Variants in ST6GALNAC6 observed in about 807,000 individuals in gnomAD.
The protein encoded by ST6GALNAC6 is ST6 N-acetylgalactosaminide alpha-2,6-sialyltransferase 6.
ST6GALNAC6 carries 19 observed loss-of-function variants against 34.3 expected under a neutral mutation model. That is an observed-to-expected ratio of 0.55 (90% CI 0.39 to 0.81). The LOEUF (loss-of-function observed/expected upper bound fraction) is 0.81. ST6GALNAC6 is among the 40% of genes least tolerant of loss of function. The pLI is 0.00. For synonymous variants in ST6GALNAC6, 185 were observed against 182.1 expected (o/e 1.02, Z -0.13); for missense variants, 377 against 467.7 (o/e 0.81, Z 1.79).
At chr9:127,906,116 G>T, upstream of ST6GALNAC6, 1 of 779,290 alleles carries the variant, frequency 1.3e-6, no homozygotes, top group South Asian at 5.8e-5. Flanking sequence ...CCAAGTGCCA[G>T]GTCTCAGCCC....
rs200588420 is a variant in ST6GALNAC6 at position 127,890,783 on chromosome 9, C to T, written c.558G>A (p.Pro186=). Residue 186 remains proline, a synonymous_variant, in exon 5 of 7, where the codon CCG becomes CCA. Coordinates refer to ENST00000373146, the MANE Select transcript of ST6GALNAC6 (RefSeq NM_013443.5). The surrounding 1 kb of genome is among the most constrained non-coding windows in gnomAD (Gnocchi z 4.3). ...TGCCCTGGGGCTTCTGCATCTTGCTCGGGGGCCCCCAGAAGATGAACACGG... is the reference window on the plus strand; with the variant it reads ...TGCCCTGGGGCTTCTGCATCTTGCTTGGGGGCCCCCAGAAGATGAACACGG... ...PETVFIFWGP[P]SKMQKPQGSL... is the part of the protein sequence containing the mutation. 1.4e-5 allele frequency: 22 copies of T among 1,612,384 alleles called. No individual in the cohort carries two copies. The East Asian group carries it at 2.7e-4, about 20-fold the overall frequency.
At chr9:127,887,367 A>G in intron 6 of ST6GALNAC6, 117 bp downstream of exon 6, 2 of 738,678 alleles carry the variant, frequency 2.7e-6, no homozygotes, top group Non-Finnish European at 4.6e-6. Flanking sequence ...CAGTTTGAAA[A>G]CAATGAAGCA....
chr9:127,902,023 G>C (rs1315423596), upstream of ST6GALNAC6, among the ~76,000 whole-genome samples: 7 of 152,162 alleles, frequency 4.6e-5, no homozygotes, highest in African/African-American at 9.7e-5. Context: ...TCTTTAAGTG[G>C]GGACTGAGTT....
Position 127,899,582 on chromosome 9 carries a change from C to T in ST6GALNAC6, c.-109G>A, listed in dbSNP as rs1278826851. 3.3e-5 allele frequency: 32 copies of T among 981,372 alleles called. No individual in the cohort carries two copies. The highest frequency in any genetic ancestry group is 3.6e-5 in the Non-Finnish European group (30 of 828,432). The allele number at this position is 981,372 out of a possible 1,614,324, so 60.8% of individuals were successfully genotyped here. ...CGGGAGCCGAGCGCCGGGGTCCGCG[C>T]TCCTCAGGCCGCCCAGGCCTCGCCG... On this transcript the variant is annotated 5_prime_UTR_variant, in exon 1 of 7. Transcript: ENST00000373146.
In ST6GALNAC6 at chr9:127,887,350, T is replaced by C. The variant is rs1044674903; in HGVS notation, c.812+134A>G. The stretch of plus-strand genomic sequence containing the variant: ...AGGAAGGAGAAGAAGCCTAGATCTC[T>C]GAAGAACAGTTTGAAAACAATGAAG... On this transcript the variant is annotated intron_variant, in intron 6 of 6. Transcript: ENST00000373146. 6 of 671,606 alleles carry C rather than the reference T, an allele frequency of 8.9e-6. No individual in the cohort carries two copies. In the African/African-American group the frequency reaches 1.1e-4, roughly 12 times the overall value. 41.6% of individuals were successfully genotyped at this position (671,606 alleles called of 1,614,324 possible). A position where few individuals can be genotyped will look rare whatever the true frequency, so the allele number is the denominator to read the frequency against.
rs755620047 is a variant in ST6GALNAC6, at chr9:127,894,614, A to T, written c.195T>A (p.Asn65Lys). The change falls in exon 4 of 7, where the codon AAT (asparagine) becomes AAA (lysine). Residue 65 changes from asparagine (N) to lysine (K), a missense_variant. Transcript: ENST00000373146. ...ILILYSSNSA[N>K]EVFHYGSLRG... ...GCAGGGAGCCGTAATGGAAGACCTC[A>T]TTGGCACTGTTGGAGCTGTAGAGGA... 5.6e-6 allele frequency: 9 copies of T among 1,614,198 alleles called. No homozygotes were observed. Among genetic ancestry groups the T allele is most frequent in the Non-Finnish European group, 7.6e-6 (9 of 1,180,028 alleles).
chr9:127,902,385 T>A (rs902687996), upstream of ST6GALNAC6, among the ~76,000 whole-genome samples: 1 of 152,024 alleles, frequency 6.6e-6, no homozygotes, highest in Admixed American at 6.6e-5. Flanking sequence ...GGTCTCGAAC[T>A]CTCGACCTAG....
At chr9:127,896,956 C>T (rs1476630031) in intron 2 of ST6GALNAC6, 1 of 985,068 alleles carries the variant, frequency 1.0e-6, no homozygotes, top group Non-Finnish European at 1.2e-6. Context: ...AGTGCATTAA[C>T]AAGCAGGATC....
chr9:127,894,847 C>G (rs879741514), intron 3 of ST6GALNAC6, among the ~76,000 whole-genome samples, 156 bp from the exon 4 acceptor site: 11 of 152,212 alleles, frequency 7.2e-5, no homozygotes, highest in African/African-American at 2.4e-4. Flanking sequence ...CCACCTCAGT[C>G]CCCCCATCAC....
upstream of ST6GALNAC6, chr9:127,905,951 T>C: frequency 3.0e-6 from 3 of 985,512 alleles, no homozygotes; most frequent in Non-Finnish European, 3.6e-6. Context: ...CTGACACCTG[T>C]TGAGAGCTCC....
chr9:127,891,307 G>A (rs1830119709), intron 4 of ST6GALNAC6, among the ~76,000 whole-genome samples: 1 of 151,586 alleles, frequency 6.6e-6, no homozygotes, highest in Non-Finnish European at 1.5e-5. Flanking sequence ...ATACATGCCA[G>A]GAAAAAAAAA....
At chr9:127,900,560 CAAA>C (rs71380101), upstream of ST6GALNAC6, among the ~76,000 whole-genome samples, 4 of 44,170 alleles carry the variant, frequency 9.1e-5, no homozygotes, top group South Asian at 1.7e-3. Flanking sequence ...AACTCCGTCT[CAAA>C]AAAAAAAAAA....
At chr9:127,886,855 C>T (rs932970018) in intron 6 of ST6GALNAC6, 67 bp from the exon 7 acceptor site, 13 of 1,469,748 alleles carry the variant, frequency 8.8e-6, no homozygotes, top group African/African-American at 2.8e-5. Flanking sequence ...CCCTTTCAGC[C>T]CCTCGCTTAC....
rs757822149 is a variant in ST6GALNAC6 at position 127,890,997 on chromosome 9, C to T, written c.344G>A (p.Ser115Asn). The T allele has an allele frequency of 1.9e-6, 3 of 1,613,972 alleles. No individual in the cohort carries two copies. In the African/African-American group the frequency reaches 4.0e-5, roughly 22 times the overall value. The change falls in exon 5 of 7, where the codon AGC (serine) becomes AAC (asparagine). Residue 115 changes from serine (S) to asparagine (N), a missense_variant. Ser to Asn is a conservative substitution (Grantham distance 46). Transcript: ENST00000373146. The surrounding 1 kb of genome is among the most constrained non-coding windows in gnomAD (Gnocchi z 4.3). ...CHQCVIVSSS[S>N]HLLGTKLGPE... Reference sequence around the variant, plus strand: ...GCCCAGCTTGGTGCCCAGCAGGTGGCTGGAGCTGCTGACAATCACACACTG... The same window carrying T: ...GCCCAGCTTGGTGCCCAGCAGGTGGTTGGAGCTGCTGACAATCACACACTG...
At chr9:127,900,933 G>A (rs1029266565), upstream of ST6GALNAC6, among the ~76,000 whole-genome samples, 7 of 140,066 alleles carry the variant, frequency 5.0e-5, no homozygotes, top group African/African-American at 1.3e-4. Context: ...GCAGTGAGCC[G>A]AGATCATGCC....
chr9:127,899,441 C>A, intron 1 of ST6GALNAC6, 62 bp downstream of exon 1: 9 of 710,548 alleles, frequency 1.3e-5, no homozygotes, highest in Non-Finnish European at 1.6e-5. Flanking sequence ...CCGGCGCCCT[C>A]CGCCCCAGCC....
At chr9:127,899,357 G>T (rs1216820712) in intron 1 of ST6GALNAC6, 146 bp downstream of exon 1, 1 of 374,616 alleles carries the variant, frequency 2.7e-6, no homozygotes, top group Non-Finnish European at 3.7e-6. Context: ...CGGCTACCAA[G>T]GGGGAAGGGG....
upstream of ST6GALNAC6, among the ~76,000 whole-genome samples, chr9:127,901,013 A>C (rs1313427948): frequency 1.3e-5 from 2 of 151,182 alleles, no homozygotes; most frequent in Non-Finnish European, 2.9e-5. Flanking sequence ...AAAAAAAAAA[A>C]AAAAAAACTG....
upstream of ST6GALNAC6, among the ~76,000 whole-genome samples, chr9:127,900,805 CG>C (rs1361692689): frequency 4.7e-5 from 7 of 149,734 alleles, no homozygotes; most frequent in African/African-American, 1.7e-4. Context: ...CACCCCACCC[CG>C]CCTCCAGTCT....
Sources: gnomAD v4.1 joint callset for allele counts (sites outside exome capture counted in the v4.1 genomes callset) on GRCh38, gnomAD v4.1.1 for gene constraint, Gnocchi (gnomAD v3.1) non-coding constraint, MANE v1.5 for transcripts, NCBI Gene and HGNC (gene_info 2026-07-23, HGNC 2026-07-21) for gene names.